Variants in TIMM8B observed in about 807,000 individuals in gnomAD.
The protein encoded by TIMM8B is mitochondrial import inner membrane translocase subunit Tim8 B.
Under a neutral mutation model 8.5 loss-of-function variants are expected in TIMM8B, and 5 were observed. The observed-to-expected ratio is 0.59, with a 90% CI of 0.31 to 1.24. The LOEUF (loss-of-function observed/expected upper bound fraction) is 1.24. Ranked by LOEUF, TIMM8B falls within the 50% of genes most tolerant of loss-of-function variation. The pLI is 0.07. For synonymous variants in TIMM8B, 44 were observed against 39.9 expected (o/e 1.10, Z -0.39); for missense variants, 104 against 109.2 (o/e 0.95, Z 0.21).
At chr11:112,085,609 A>C (rs1865579101) in intron 1 of TIMM8B, 147 bp from the exon 2 acceptor site, 3 of 646,636 alleles carry the variant, frequency 4.6e-6, no homozygotes, top group South Asian at 4.4e-5. Context: ...TTCATTTCCT[A>C]ATTAGTCACC....
At chr11:112,086,469 G>A (rs1304796607) in intron 1 of TIMM8B, among the ~76,000 whole-genome samples, 171 bp downstream of exon 1, 1 of 152,120 alleles carries the variant, frequency 6.6e-6, no homozygotes, top group Non-Finnish European at 1.5e-5. Context: ...TGGCACCTGA[G>A]CACTACCGGT....
rs777646302 is a variant in TIMM8B, at chr11:112,085,457, A to T, written c.90T>A (p.His30Gln). The T allele has an allele frequency of 6.2e-7, 1 of 1,613,018 alleles. No individual in the cohort carries two copies. Among genetic ancestry groups the T allele is most frequent in the South Asian group, 1.1e-5 (1 of 90,992 alleles). The change falls in exon 2 of 2, where the codon CAT (histidine) becomes CAA (glutamine). Residue 30 changes from histidine to glutamine, a missense_variant. Coordinates refer to ENST00000504148, the MANE Select transcript of TIMM8B (RefSeq NM_012459.4). Reference protein sequence around the residue: ...QQKAQFTAQVHHFMELCWDKC... With the variant: ...QQKAQFTAQVQHFMELCWDKC... Reference sequence around the variant, plus strand: ...TATCCCAACATAACTCCATGAAGTGATGCACCTAAAAGGAAAGAAAAATAG... The same window carrying T: ...TATCCCAACATAACTCCATGAAGTGTTGCACCTAAAAGGAAAGAAAAATAG...
At position 112,085,202 on chromosome 11, in the gene TIMM8B, T is replaced by G. The variant is rs1865563003; in HGVS notation, c.*93A>C. The G allele has an allele frequency of 1.0e-6, 1 of 1,000,990 alleles. No homozygotes were observed. The highest frequency in any genetic ancestry group is 1.4e-6 in the Non-Finnish European group (1 of 691,712). 62.0% of individuals were successfully genotyped at this position (1,000,990 alleles called of 1,614,324 possible). On this transcript the variant is annotated 3_prime_UTR_variant, in exon 2 of 2. Transcript: ENST00000504148. ...AACAGACTTGATAACAGCCTGATGC[T>G]GATCTGACAATGGGTTGATAGCCTT...
chr11:112,085,650 T>G (rs183207774), intron 1 of TIMM8B, among the ~76,000 whole-genome samples, 188 bp from the exon 2 acceptor site: 114 of 152,322 alleles, frequency 7.5e-4, no homozygotes, highest in East Asian at 2.3e-3. Flanking sequence ...TCCCTACAGA[T>G]TGTACATTCT....
In TIMM8B at chr11:112,085,401, T is replaced by G; in HGVS notation, c.146A>C (p.Asp49Ala). Residue 49 changes from aspartate (D) to alanine (A), a missense_variant, in exon 2 of 2, where the codon GAC becomes GCC. Asp to Ala is a moderately radical substitution (Grantham distance 126, BLOSUM62 -2). Transcript: ENST00000504148. ...GGAGAGACAATTTTCAGTGCGAGAG[T>G]CTAGGCGATTCCCTGGCTTCTCCAC... ...KCVEKPGNRLDSRTENCLSSC... is the reference protein window; with the variant it reads ...KCVEKPGNRLASRTENCLSSC... 6.2e-7 allele frequency: 1 copy of G among 1,613,842 alleles called. No individual in the cohort carries two copies. Among genetic ancestry groups the G allele is most frequent in the Non-Finnish European group, 8.5e-7 (1 of 1,179,924 alleles).
chr11:112,085,556 T>G, intron 1 of TIMM8B, 94 bp from the exon 2 acceptor site: 1 of 1,077,554 alleles, frequency 9.3e-7, no homozygotes, highest in Non-Finnish European at 1.3e-6. Flanking sequence ...GACAAAACCA[T>G]TCTTTAAATC....
At chr11:112,085,944 C>T in intron 1 of TIMM8B, 1 of 1,039,484 alleles carries the variant, frequency 9.6e-7, no homozygotes, top group Non-Finnish European at 1.2e-6. Flanking sequence ...TTCCTCCCAC[C>T]CAAAAGGAAA....
chr11:112,085,869 TC>T (rs1444095805), intron 1 of TIMM8B: 12 of 350,960 alleles, frequency 3.4e-5, no homozygotes, highest in Non-Finnish European at 5.3e-5. Flanking sequence ...ATGTGCACTG[TC>T]ATTAGAATGT....
intron 1 of TIMM8B, chr11:112,086,317 G>C (rs1239545220): frequency 1.8e-6 from 1 of 543,364 alleles, no homozygotes; most frequent in Admixed American, 2.2e-5. Context: ...TGGCCTGCAA[G>C]GAGCAGAGGG....
intron 1 of TIMM8B, chr11:112,086,439 C>A (rs1259291218): frequency 5.8e-6 from 5 of 865,194 alleles, no homozygotes; most frequent in Non-Finnish European, 9.3e-6. Flanking sequence ...TTTCTTTTCT[C>A]CACGCTACGC....
intron 1 of TIMM8B, among the ~76,000 whole-genome samples, chr11:112,085,815 A>G (rs548781336): frequency 1.1e-3 from 173 of 152,292 alleles, no homozygotes; most frequent in African/African-American, 3.9e-3. Context: ...TTTGGGGGTT[A>G]TGGATCCACT....
Position 112,085,301 on chromosome 11 carries a change from CCCT to C in TIMM8B, c.243_245del (p.Gly82del), listed in dbSNP as rs1865565846. ...CATTCTCCTGGGGGATGGCCTACTG[CCCT>C]CCTTTCTGTACAATCTGGGCAAACC... On this transcript the variant is annotated inframe_deletion, in exon 2 of 2. Transcript: ENST00000504148. The C allele has an allele frequency of 6.2e-7, 1 of 1,610,272 alleles. No homozygotes were observed. The highest frequency in any genetic ancestry group is 1.3e-5 in the African/African-American group (1 of 74,810).
chr11:112,086,139 G>A (rs1353237537), intron 1 of TIMM8B: 2 of 914,220 alleles, frequency 2.2e-6, no homozygotes, highest in East Asian at 6.2e-5. Flanking sequence ...CCAAACCCTT[G>A]TTCTACATCC....
chr11:112,085,582 T>C, intron 1 of TIMM8B, 120 bp from the exon 2 acceptor site: 1 of 788,784 alleles, frequency 1.3e-6, no homozygotes, highest in South Asian at 2.0e-5. Context: ...CGGAGTCACT[T>C]TGGGCTCTTC....
intron 1 of TIMM8B, chr11:112,086,283 A>C: frequency 4.0e-6 from 2 of 498,920 alleles, no homozygotes; most frequent in Non-Finnish European, 7.8e-6. Flanking sequence ...CCCACAGTGG[A>C]TGAGTATCTT....
chr11:112,085,419 T>C lies in TIMM8B; in HGVS notation c.128A>G (p.Lys43Arg). 6.2e-7 allele frequency: 1 copy of C among 1,614,076 alleles called. No individual in the cohort carries two copies. Among genetic ancestry groups the C allele is most frequent in the Non-Finnish European group, 8.5e-7 (1 of 1,179,952 alleles). ...MELCWDKCVE[K>R]PGNRLDSRTE... is the part of the protein sequence containing the mutation. ...GCGAGAGTCTAGGCGATTCCCTGGC[T>C]TCTCCACACATTTATCCCAACATAA... Residue 43 changes from lysine (K) to arginine (R), a missense_variant, in exon 2 of 2, where the codon AAG becomes AGG. By Grantham distance (26) the Lys-to-Arg change is conservative. Coordinates refer to ENST00000504148, the MANE Select transcript of TIMM8B (RefSeq NM_012459.4).
In TIMM8B at chr11:112,086,693, C is replaced by T. The variant is rs776373345; in HGVS notation, c.31G>A (p.Glu11Lys). Reference protein sequence around the residue: MAELGEADEAELQRLVAAEQQ... With the variant: MAELGEADEAKLQRLVAAEQQ... ...TCGGCGGCCACCAGGCGCTGCAACT[C>T]CGCTTCATCGGCTTCGCCCAGCTCC... Residue 11 changes from glutamate to lysine, a missense_variant, in exon 1 of 2, where the codon GAG becomes AAG. Coordinates refer to ENST00000504148, the MANE Select transcript of TIMM8B (RefSeq NM_012459.4). The T allele has an allele frequency of 7.1e-5, 114 of 1,603,878 alleles. No homozygotes were observed. Among genetic ancestry groups the T allele is most frequent in the Non-Finnish European group, 9.4e-5 (111 of 1,178,538 alleles).
In TIMM8B at chr11:112,085,356, A is replaced by G; in HGVS notation, c.191T>C (p.Ile64Thr). Residue 64 changes from isoleucine (I) to threonine (T), a missense_variant, in exon 2 of 2, where the codon ATT (isoleucine) becomes ACT (threonine). By Grantham distance (89) the Ile-to-Thr change is moderately conservative. Transcript: ENST00000504148. ...ACTGGTGATGGCAAGAGTGGTGTCA[A>G]TGAAGCGGTCTACACAGCTGGAGAG... is the stretch of plus-strand genomic sequence containing the variant. Reference protein sequence around the residue: ...NCLSSCVDRFIDTTLAITSRF... With the variant: ...NCLSSCVDRFTDTTLAITSRF... The G allele has an allele frequency of 1.2e-6, 2 of 1,613,588 alleles. No homozygotes were observed. The highest frequency in any genetic ancestry group is 1.1e-5 in the South Asian group (1 of 91,052).
intron 1 of TIMM8B, chr11:112,085,917 G>T: frequency 1.3e-6 from 1 of 757,072 alleles, no homozygotes; most frequent in Non-Finnish European, 1.7e-6. Flanking sequence ...GTTCTTGCTG[G>T]TCATCCGAGC....
Sources: gnomAD v4.1 joint callset for allele counts (sites outside exome capture counted in the v4.1 genomes callset) on GRCh38, gnomAD v4.1.1 for gene constraint, MANE v1.5 for transcripts, NCBI Gene and HGNC (gene_info 2026-07-23, HGNC 2026-07-21) for gene names.